The following OPHN1 variants were observed in gnomAD, a reference collection of about 807,000 sequenced individuals.
The protein encoded by OPHN1 is oligophrenin 1, also known as oligophrenin-1.
In OPHN1, 11 loss-of-function variants were observed where a neutral mutation model predicts 60.7. The observed-to-expected ratio is 0.18, with a 90% CI of 0.11 to 0.30. The LOEUF (loss-of-function observed/expected upper bound fraction) is 0.30. Ranked by LOEUF, OPHN1 falls within the 10% of genes least tolerant of loss-of-function variation. The probability of loss-of-function intolerance (pLI) is 1.00; values close to 1 mark genes in which losing one functional copy is unlikely to be tolerated. For synonymous variants in OPHN1, 226 were observed against 222.6 expected (o/e 1.02, Z -0.14); for missense variants, 449 against 611.0 (o/e 0.73, Z 2.80).
At chrX:68,133,086 A>C in intron 15 of OPHN1, 1 of 550,459 alleles carries the variant, frequency 1.8e-6, no homozygotes, top group Non-Finnish European at 3.3e-6. Flanking sequence ...ATTCCGGAGA[A>C]AATTTTTCAG....
intron 5 of OPHN1, among the ~76,000 whole-genome samples, chrX:68,238,787 T>C (rs2077765540): frequency 9.0e-6 from 1 of 111,035 alleles, no homozygotes; most frequent in Non-Finnish European, 1.9e-5. Context: ...GATGGGCAGG[T>C]TGTGGGGCAT....
intron 11 of OPHN1, 64 bp from the exon 12 acceptor site, chrX:68,197,328 A>G (rs2077517066): frequency 7.0e-6 from 6 of 854,363 alleles, no homozygotes; most frequent in Non-Finnish European, 7.0e-6. Flanking sequence ...GAGTCTTGTG[A>G]TCTAGGGTCC....
At chrX:68,141,665 C>T (rs1289969928) in intron 15 of OPHN1, among the ~76,000 whole-genome samples, 1 of 110,925 alleles carries the variant, frequency 9.0e-6, no homozygotes, top group Admixed American at 9.7e-5. Context: ...CATAAAAATA[C>T]AATTTTTAGA....
chrX:68,105,145 A>C (rs1253155395), intron 18 of OPHN1, among the ~76,000 whole-genome samples: 2 of 111,354 alleles, frequency 1.8e-5, no homozygotes, highest in African/African-American at 6.5e-5. Context: ...GTCATTAAAA[A>C]GTCAGGAAAC....
intron 2 of OPHN1, among the ~76,000 whole-genome samples, chrX:68,337,258 G>A (rs932206332): frequency 1.8e-5 from 2 of 110,445 alleles, no homozygotes; most frequent in Admixed American, 9.8e-5. Context: ...CCATTCTTAC[G>A]CATCAACTTC....
At chrX:68,209,617 T>C (rs1340793405) in intron 9 of OPHN1, among the ~76,000 whole-genome samples, 1 of 111,591 alleles carries the variant, frequency 9.0e-6, no homozygotes, top group Non-Finnish European at 1.9e-5. Context: ...GACGAAGATA[T>C]AGGGTACTAT....
chrX:68,285,591 TC>T (rs1204341669), intron 3 of OPHN1, among the ~76,000 whole-genome samples: 6 of 111,635 alleles, frequency 5.4e-5, no homozygotes, highest in Non-Finnish European at 5.6e-5. Flanking sequence ...CATTATTTCT[TC>T]AAATATTCTT....
At chrX:68,224,846 A>T (rs180699507) in intron 6 of OPHN1, among the ~76,000 whole-genome samples, 28 of 112,498 alleles carry the variant, frequency 2.5e-4, no homozygotes, top group African/African-American at 8.4e-4. Flanking sequence ...TTTCTAACTG[A>T]GCTACTGAGT....
At chrX:68,131,190 T>TTTA (rs767788758) in intron 15 of OPHN1, among the ~76,000 whole-genome samples, 1 of 98,483 alleles carries the variant, frequency 1.0e-5, no homozygotes, top group African/African-American at 3.9e-5. Flanking sequence ...CAAAGAACAC[T>TTTA]TTTATTTATT....
rs1481831546 is a variant in OPHN1, at chrX:68,053,806, A to G, written c.2163T>C (p.Asp721=). Residue 721 remains aspartate (D), a synonymous_variant, in exon 22 of 25, where the codon GAT becomes GAC. Transcript: ENST00000355520. ...PRPLAHHKEG[D]ADSFSKVRPP... ...GCCGCACTTTGCTGAAACTGTCAGC[A>G]TCCCCTGGAAGAGAAAATGATACCA... 1 of 1,208,963 alleles carries G rather than the reference A, an allele frequency of 8.3e-7. No individual in the cohort carries two copies. The highest frequency in any genetic ancestry group is 1.7e-5 in the African/African-American group (1 of 57,524).
At chrX:68,353,442 C>T (rs1468464146) in intron 2 of OPHN1, among the ~76,000 whole-genome samples, 4 of 100,277 alleles carry the variant, frequency 4.0e-5, no homozygotes, top group Non-Finnish European at 8.0e-5. Context: ...GCCATGGTGG[C>T]GGGTGCCTGT....
At chrX:68,355,999 G>A (rs2078438251) in intron 2 of OPHN1, among the ~76,000 whole-genome samples, 3 of 109,788 alleles carry the variant, frequency 2.7e-5, no homozygotes, top group South Asian at 4.0e-4. Flanking sequence ...GCAGTGGGCC[G>A]AGATTGTGCC....
At chrX:68,176,682 C>T (rs760175472) in intron 15 of OPHN1, among the ~76,000 whole-genome samples, 42 of 111,145 alleles carry the variant, frequency 3.8e-4, no homozygotes, top group African/African-American at 1.3e-3. Context: ...TCTACTTTCT[C>T]GACATATACT....
At chrX:68,087,619 G>A (rs1238396139) in intron 19 of OPHN1, among the ~76,000 whole-genome samples, 2 of 111,985 alleles carry the variant, frequency 1.8e-5, no homozygotes, top group African/African-American at 3.2e-5. Flanking sequence ...TGGCAGAAAT[G>A]AGCAACTATC....
At chrX:68,395,169 C>T (rs1478316501) in intron 2 of OPHN1, among the ~76,000 whole-genome samples, 2 of 105,570 alleles carry the variant, frequency 1.9e-5, no homozygotes, top group African/African-American at 3.5e-5. Flanking sequence ...GTTGGCCAGG[C>T]TCGTCTCAAA....
intron 15 of OPHN1, among the ~76,000 whole-genome samples, chrX:68,142,544 T>A: frequency 8.9e-6 from 1 of 111,919 alleles, no homozygotes; most frequent in Non-Finnish European, 1.9e-5. Flanking sequence ...TATTAAGGAA[T>A]GAAATTATGT....
intron 15 of OPHN1, among the ~76,000 whole-genome samples, chrX:68,139,708 A>G (rs2077234469): frequency 2.7e-5 from 3 of 112,199 alleles, no homozygotes; most frequent in Admixed American, 9.5e-5. Flanking sequence ...TTTATAATCT[A>G]TACAAAATTA....
chrX:68,304,121 G>A (rs1602310612), intron 2 of OPHN1, among the ~76,000 whole-genome samples: 1 of 111,656 alleles, frequency 9.0e-6, no homozygotes, highest in East Asian at 2.8e-4. Flanking sequence ...TTTAGGTCAT[G>A]CTAATTACTC....
At chrX:68,262,595 C>T (rs1345089255) in intron 5 of OPHN1, among the ~76,000 whole-genome samples, 1 of 111,824 alleles carries the variant, frequency 8.9e-6, no homozygotes, top group East Asian at 2.8e-4. Flanking sequence ...ACCAGCCTGA[C>T]CAACATGGAG....
Sources: allele counts gnomAD v4.1 joint callset (sites outside exome capture counted in the v4.1 genomes callset), GRCh38; gene constraint gnomAD v4.1.1; transcripts MANE v1.5; gene names NCBI Gene and HGNC (gene_info 2026-07-23, HGNC 2026-07-21).